Variants in MOB3B observed in about 807,000 individuals in gnomAD.
The protein encoded by MOB3B is MOB kinase activator-like 2B.
A neutral mutation model predicts 18.7 loss-of-function variants in MOB3B; 7 were observed. That is an observed-to-expected ratio of 0.37 (90% CI 0.21 to 0.70). The LOEUF (loss-of-function observed/expected upper bound fraction) is 0.70. Among genes scored for constraint, MOB3B ranks in the 30% least tolerant of loss-of-function variants. MOB3B has a pLI of 0.52. For synonymous variants in MOB3B, 111 were observed against 99.9 expected, an observed-to-expected ratio of 1.11 and a Z score of -0.66; for missense variants, 253 against 281.3, an observed-to-expected ratio of 0.90 and a Z score of 0.72.
chr9:27,367,285 CCTT>C (rs1821354701), intron 2 of MOB3B, among the ~76,000 whole-genome samples: 2 of 152,342 alleles, frequency 1.3e-5, no homozygotes, highest in African/African-American at 2.4e-5. Context: ...AGCCTATGCT[CCTT>C]CTATTCTGCC....
chr9:27,325,396 A>C lies in MOB3B; in HGVS notation c.*5191T>G, dbSNP rs1820695726. 6.6e-6 allele frequency: 1 copy of C among 152,244 alleles called. No homozygotes were observed. The highest frequency in any genetic ancestry group is 1.5e-5 in the Non-Finnish European group (1 of 68,048). The allele number at this position is 152,244 out of a possible 1,614,324, so 9.4% of individuals were successfully genotyped here. A position where few individuals can be genotyped will look rare whatever the true frequency, so the allele number is the denominator to read the frequency against. On this transcript the variant is annotated 3_prime_UTR_variant, in exon 4 of 4. Coordinates refer to ENST00000262244, the MANE Select transcript of MOB3B (RefSeq NM_024761.5). ...TAGTAAACATTTCTTTTTCTGATGT[A>C]TGTAAAAAAGATACAGGAAAATTCT... is the stretch of plus-strand genomic sequence containing the variant.
intron 2 of MOB3B, among the ~76,000 whole-genome samples, chr9:27,383,499 G>C (rs992437494): frequency 6.6e-6 from 1 of 152,164 alleles, no homozygotes; most frequent in Admixed American, 6.5e-5. Flanking sequence ...ATTCATGAAG[G>C]TTACATGAGA....
At chr9:27,507,198 G>A (rs775853420) in intron 1 of MOB3B, among the ~76,000 whole-genome samples, 3 of 152,084 alleles carry the variant, frequency 2.0e-5, no homozygotes, top group Admixed American at 1.3e-4. Flanking sequence ...TCCATATGAT[G>A]AGAAATTCAT....
chr9:27,372,341 C>G (rs145584972), intron 2 of MOB3B, among the ~76,000 whole-genome samples: 17 of 152,284 alleles, frequency 1.1e-4, no homozygotes, highest in African/African-American at 4.1e-4. Flanking sequence ...TGAGTTCACA[C>G]TGATATAAAT....
intron 2 of MOB3B, among the ~76,000 whole-genome samples, chr9:27,454,453 A>G (rs1384169628): frequency 6.6e-6 from 1 of 152,262 alleles, no homozygotes; most frequent in Non-Finnish European, 1.5e-5. Context: ...CTGAAAGTGC[A>G]TGGAAAAATC....
intron 2 of MOB3B, among the ~76,000 whole-genome samples, chr9:27,395,454 T>TAA (rs34138321): frequency 8.9e-4 from 134 of 150,816 alleles, no homozygotes; most frequent in East Asian, 7.9e-3. Flanking sequence ...ATAGATTTTT[T>TAA]AAAAAAAAAA....
chr9:27,498,045 T>C (rs920946282), intron 1 of MOB3B, among the ~76,000 whole-genome samples: 4 of 152,084 alleles, frequency 2.6e-5, no homozygotes, highest in Admixed American at 6.5e-5. Flanking sequence ...AAGAGGGAAA[T>C]GCATTCATTT....
intron 2 of MOB3B, among the ~76,000 whole-genome samples, chr9:27,382,244 T>C (rs1563854889): frequency 6.6e-6 from 1 of 152,040 alleles, no homozygotes; most frequent in Non-Finnish European, 1.5e-5. Flanking sequence ...ATGTGATGAG[T>C]ACTGAAAAAA....
At chr9:27,398,142 G>A (rs951550875) in intron 2 of MOB3B, among the ~76,000 whole-genome samples, 7 of 152,182 alleles carry the variant, frequency 4.6e-5, no homozygotes, top group African/African-American at 1.4e-4. Flanking sequence ...AGCATCCCGG[G>A]GAGGAGCTCA....
chr9:27,489,789 C>T (rs1819787615), intron 1 of MOB3B, among the ~76,000 whole-genome samples: 1 of 122,786 alleles, frequency 8.1e-6, no homozygotes, highest in Non-Finnish European at 1.6e-5. Flanking sequence ...TTATCATATG[C>T]CAAGTAATGT....
chr9:27,360,230 G>A (rs1821254071), intron 2 of MOB3B, among the ~76,000 whole-genome samples: 1 of 152,208 alleles, frequency 6.6e-6, no homozygotes, highest in Non-Finnish European at 1.5e-5. Flanking sequence ...CCGGCCAGAT[G>A]CGGTGGCTCA....
At chr9:27,384,720 T>G (rs1328350830) in intron 2 of MOB3B, among the ~76,000 whole-genome samples, 2 of 152,116 alleles carry the variant, frequency 1.3e-5, no homozygotes, top group East Asian at 3.9e-4. Flanking sequence ...CATGGCTGGG[T>G]GTCAGACGGA....
chr9:27,444,257 AAGG>A (rs1358954587), intron 2 of MOB3B, among the ~76,000 whole-genome samples: 2 of 108,036 alleles, frequency 1.9e-5, no homozygotes. Flanking sequence ...GGAAGGAAGG[AAGG>A]AAGGAAGGAG....
intron 1 of MOB3B, among the ~76,000 whole-genome samples, chr9:27,508,083 G>A (rs532322351): frequency 1.2e-3 from 186 of 152,312 alleles, no homozygotes; most frequent in African/African-American, 4.5e-3. Context: ...GAGTTCTGCA[G>A]CATTCTGGGG....
At chr9:27,453,677 G>A (rs1179125899) in intron 2 of MOB3B, among the ~76,000 whole-genome samples, 1 of 152,076 alleles carries the variant, frequency 6.6e-6, no homozygotes, top group Non-Finnish European at 1.5e-5. Context: ...AGAATTCAAA[G>A]CATACAGGTG....
intron 2 of MOB3B, among the ~76,000 whole-genome samples, chr9:27,367,026 G>A (rs374207577): frequency 4.9e-4 from 75 of 152,200 alleles, no homozygotes; most frequent in African/African-American, 1.8e-3. Flanking sequence ...CTCCAGACTG[G>A]CCACTCTGTG....
chr9:27,491,409 T>C (rs1217850122), intron 1 of MOB3B, among the ~76,000 whole-genome samples: 2 of 152,016 alleles, frequency 1.3e-5, no homozygotes, highest in Non-Finnish European at 2.9e-5. Flanking sequence ...GAGAAATGAG[T>C]GTGCAGTGTA....
chr9:27,462,402 A>G (rs904374038), intron 1 of MOB3B, among the ~76,000 whole-genome samples: 1 of 152,246 alleles, frequency 6.6e-6, no homozygotes, highest in Non-Finnish European at 1.5e-5. Flanking sequence ...AGAACTACAG[A>G]TAAAGCTTAA....
chr9:27,522,310 A>T (rs537055872), intron 1 of MOB3B, among the ~76,000 whole-genome samples: 2 of 149,556 alleles, frequency 1.3e-5, no homozygotes, highest in African/African-American at 4.9e-5. Flanking sequence ...CTCACCACAG[A>T]AAACTTAAAA....
Sources: allele counts gnomAD v4.1 joint callset (sites outside exome capture counted in the v4.1 genomes callset), GRCh38; gene constraint gnomAD v4.1.1; transcripts MANE v1.5; gene names NCBI Gene and HGNC (gene_info 2026-07-23, HGNC 2026-07-21).